The following HBS1L variants were observed in gnomAD, a reference collection of about 807,000 sequenced individuals.
HBS1L encodes the protein HBS1-like protein.
HBS1L carries 55 observed loss-of-function variants against 88.9 expected under a neutral mutation model. The ratio of observed to expected loss-of-function variants is 0.62; its 90% CI spans 0.50 to 0.77. The LOEUF is 0.77. HBS1L is among the 30% of genes least tolerant of loss of function. The probability of loss-of-function intolerance (pLI) is 0.00; values close to 1 mark genes in which losing one functional copy is unlikely to be tolerated. For synonymous variants in HBS1L, 267 were observed against 288.5 expected (o/e 0.93, Z 0.76); for missense variants, 741 against 829.3 (o/e 0.89, Z 1.31).
At chr6:135,033,508 A>G (rs954341163) in intron 4 of HBS1L, among the ~76,000 whole-genome samples, 5 of 152,186 alleles carry the variant, frequency 3.3e-5, no homozygotes, top group Non-Finnish European at 7.3e-5. Context: ...TGTCATGTAC[A>G]TGCCTGACAG....
chr6:135,051,871 A>C (rs1349325753), intron 1 of HBS1L, among the ~76,000 whole-genome samples: 1 of 152,282 alleles, frequency 6.6e-6, no homozygotes, highest in Non-Finnish European at 1.5e-5. Flanking sequence ...CAACTGTGGT[A>C]TAACAGTGAA....
At chr6:135,005,537 A>T (rs1286542719) in intron 4 of HBS1L, among the ~76,000 whole-genome samples, 1 of 152,226 alleles carries the variant, frequency 6.6e-6, no homozygotes, top group African/African-American at 2.4e-5. Flanking sequence ...AGGGCTTTAG[A>T]TAGGGATTTC....
At chr6:135,013,641 T>C (rs559414591) in intron 4 of HBS1L, among the ~76,000 whole-genome samples, 46 of 152,220 alleles carry the variant, frequency 3.0e-4, no homozygotes, top group South Asian at 6.2e-4. Context: ...AGTTAGAAGA[T>C]TGTTGTACAA....
rs372855966 is a variant in HBS1L at position 134,961,410 on chromosome 6, C to T, written c.*3869G>A. The T allele has an allele frequency of 2.0e-5, 3 of 152,264 alleles. No homozygotes were observed. The highest frequency in any genetic ancestry group is 2.9e-5 in the Non-Finnish European group (2 of 68,014). The allele number at this position is 152,264 out of a possible 1,614,324, so 9.4% of individuals were successfully genotyped here. On this transcript the variant is annotated 3_prime_UTR_variant, in exon 18 of 18. Coordinates refer to ENST00000367837, the MANE Select transcript of HBS1L (RefSeq NM_006620.4). Reference sequence around the variant, plus strand: ...CTTCTGACCTAGCATTCACACTAGGCGGTGGCGTTCTCCTGCTGAACATTT... The same window carrying T: ...CTTCTGACCTAGCATTCACACTAGGTGGTGGCGTTCTCCTGCTGAACATTT...
chr6:135,030,353 G>A (rs932293507), intron 4 of HBS1L, among the ~76,000 whole-genome samples: 17 of 151,194 alleles, frequency 1.1e-4, no homozygotes, highest in South Asian at 8.3e-4. Context: ...ATGATTGAGA[G>A]TAAAGTGATA....
intron 15 of HBS1L, among the ~76,000 whole-genome samples, chr6:134,972,958 A>C (rs1328853515): frequency 2.0e-5 from 3 of 152,200 alleles, no homozygotes; most frequent in Admixed American, 6.5e-5. Flanking sequence ...GTTGACAAGA[A>C]AGTAGAGAAA....
At position 134,987,683 on chromosome 6, in the gene HBS1L, C is replaced by T. The variant is rs768992790; in HGVS notation, c.1192G>A (p.Val398Met). 1.9e-6 allele frequency: 3 copies of T among 1,606,544 alleles called. No individual in the cohort carries two copies. Among genetic ancestry groups the T allele is most frequent in the Admixed American group, 3.4e-5 (2 of 58,772 alleles). ...TTAACTGCAACTGCAAGCTGCGTCACTCCCAGAGAACGGACCAAGAGTCCA... is the reference window on the plus strand; with the variant it reads ...TTAACTGCAACTGCAAGCTGCGTCATTCCCAGAGAACGGACCAAGAGTCCA... ...EHGLLVRSLG[V>M]TQLAVAVNKM... Residue 398 changes from valine (V) to methionine (M), a missense_variant, in exon 9 of 18, where the codon GTG becomes ATG. By Grantham distance (21) the Val-to-Met change is conservative. This residue lies in a region of HBS1L where 556 missense variants were observed against 598.4 expected (regional missense o/e 0.93). Transcript: ENST00000367837.
In HBS1L at chr6:134,969,306, G is replaced by A. The variant is rs1583055268; in HGVS notation, c.1830C>T (p.Pro610=). The A allele has an allele frequency of 5.0e-6, 8 of 1,613,416 alleles. No homozygotes were observed. The highest frequency in any genetic ancestry group is 2.2e-5 in the East Asian group (1 of 44,832). The change falls in exon 16 of 18, where the codon CCC becomes CCT. Residue 610 remains proline (P), a synonymous_variant. Transcript: ENST00000367837. ...VLLHYQTVSE[P]AVIKRLISVL... ...CACTAATCAATCGTTTAATAACGGC[G>A]GGTTCACTGACAGTTTGGTAGTGTA... is the stretch of plus-strand genomic sequence containing the variant.
chr6:135,017,823 T>G (rs1583118088), intron 4 of HBS1L, among the ~76,000 whole-genome samples: 1 of 152,014 alleles, frequency 6.6e-6, no homozygotes, highest in East Asian at 1.9e-4. Flanking sequence ...AAAGGTGATC[T>G]GAAAGATTTC....
chr6:135,051,641 C>A (rs1264923250), intron 1 of HBS1L, among the ~76,000 whole-genome samples: 1 of 152,218 alleles, frequency 6.6e-6, no homozygotes, highest in African/African-American at 2.4e-5. Context: ...ACCCAATTTA[C>A]AGAGCGCTAC....
chr6:134,975,102 CCAA>C (rs1314765342), intron 15 of HBS1L, among the ~76,000 whole-genome samples: 2 of 152,012 alleles, frequency 1.3e-5, no homozygotes, highest in African/African-American at 4.8e-5. Flanking sequence ...ATCAGTAGCA[CCAA>C]CAACGATCAA....
intron 8 of HBS1L, among the ~76,000 whole-genome samples, chr6:134,992,361 A>C (rs943994877): frequency 1.3e-5 from 2 of 152,192 alleles, no homozygotes; most frequent in Non-Finnish European, 2.9e-5. Context: ...GTGATGTCAT[A>C]GTCGCCATAA....
intron 12 of HBS1L, 69 bp downstream of exon 12, chr6:134,985,272 G>A: frequency 1.0e-6 from 1 of 966,136 alleles, no homozygotes; most frequent in South Asian, 1.7e-5. Flanking sequence ...ACTTAGTCCA[G>A]GAAAGGAGGT....
At position 134,997,538 on chromosome 6, in the gene HBS1L, G is replaced by A; in HGVS notation, c.658C>T (p.His220Tyr). The part of the protein sequence containing the change: ...ETASKSANPP[H>Y]TIQASEEQSS... ...TGCTCTTCTGATGCTTGAATCGTGTGGGGTGGATTAGCAGATTTAGAAGCA... is the reference window on the plus strand; with the variant it reads ...TGCTCTTCTGATGCTTGAATCGTGTAGGGTGGATTAGCAGATTTAGAAGCA... The change falls in exon 6 of 18, where the codon CAC becomes TAC. Residue 220 changes from histidine to tyrosine, a missense_variant. By Grantham distance (83) the His-to-Tyr change is moderately conservative. This residue lies in a region of HBS1L where 556 missense variants were observed against 598.4 expected (regional missense o/e 0.93). Coordinates refer to ENST00000367837, the MANE Select transcript of HBS1L (RefSeq NM_006620.4). The A allele has an allele frequency of 2.5e-6, 4 of 1,614,072 alleles. No individual in the cohort carries two copies. The highest frequency in any genetic ancestry group is 3.4e-6 in the Non-Finnish European group (4 of 1,179,984).
At chr6:135,040,531 T>C (rs1583152663) in intron 3 of HBS1L, among the ~76,000 whole-genome samples, 1 of 152,034 alleles carries the variant, frequency 6.6e-6, no homozygotes, top group East Asian at 1.9e-4. Context: ...TTTCTATTTT[T>C]AGTAGAGATG....
chr6:135,042,300 C>T (rs1269603102), intron 2 of HBS1L, among the ~76,000 whole-genome samples, 174 bp from the exon 3 acceptor site: 1 of 152,158 alleles, frequency 6.6e-6, no homozygotes, highest in Non-Finnish European at 1.5e-5. Flanking sequence ...TAAAATCCTA[C>T]TCGAAGGTGC....
At chr6:135,046,975 G>A (rs577088702) in intron 2 of HBS1L, among the ~76,000 whole-genome samples, 3 of 152,222 alleles carry the variant, frequency 2.0e-5, no homozygotes, top group South Asian at 2.1e-4. Context: ...ATCCAAAGTC[G>A]TATGCTTTTG....
intron 6 of HBS1L, 90 bp downstream of exon 6, chr6:134,997,307 T>C: frequency 2.0e-6 from 3 of 1,472,074 alleles, no homozygotes; most frequent in Non-Finnish European, 2.8e-6. Flanking sequence ...ATTCCACCCA[T>C]GGAGAAACTC....
intron 5 of HBS1L, among the ~76,000 whole-genome samples, chr6:134,999,081 A>G (rs918606539): frequency 1.3e-5 from 2 of 152,256 alleles, no homozygotes; most frequent in African/African-American, 4.8e-5. Context: ...CCCACAAATT[A>G]TAATACAAGT....
Sources: gnomAD v4.1 joint callset for allele counts (sites outside exome capture counted in the v4.1 genomes callset) on GRCh38, gnomAD v4.1.1 for gene constraint, gnomAD v4.1.1 regional missense constraint, MANE v1.5 for transcripts, NCBI Gene and HGNC (gene_info 2026-07-23, HGNC 2026-07-21) for gene names.